Variants in ITGB1 observed in about 807,000 individuals in gnomAD.
The protein encoded by ITGB1 is integrin beta-1.
A neutral mutation model predicts 86.5 loss-of-function variants in ITGB1; 24 were observed. That is an observed-to-expected ratio of 0.28 (90% CI 0.20 to 0.39). The LOEUF (loss-of-function observed/expected upper bound fraction) is 0.39. Ranked by LOEUF, ITGB1 falls within the 10% of genes least tolerant of loss-of-function variation. ITGB1 has a pLI of 1.00. For synonymous variants in ITGB1, 323 were observed against 316.8 expected, an observed-to-expected ratio of 1.02 and a Z score of -0.21; for missense variants, 556 against 946.9, an observed-to-expected ratio of 0.59 and a Z score of 5.42.
intron 1 of ITGB1, among the ~76,000 whole-genome samples, chr10:32,945,757 G>GA (rs1214794607): frequency 6.6e-6 from 1 of 151,508 alleles, no homozygotes. Flanking sequence ...TAAAATTCCA[G>GA]AAAAAAAAGC....
chr10:32,905,129 G>A (rs944349889), intron 15 of ITGB1, among the ~76,000 whole-genome samples: 3 of 151,156 alleles, frequency 2.0e-5, no homozygotes, highest in African/African-American at 7.3e-5. Flanking sequence ...GTGAGAACGA[G>A]AAAAATATAT....
chr10:32,924,506 CT>C (rs1363733502), intron 6 of ITGB1, among the ~76,000 whole-genome samples: 1 of 152,182 alleles, frequency 6.6e-6, no homozygotes, highest in African/African-American at 2.4e-5. Flanking sequence ...TTTATTAATA[CT>C]GGCAATCTTT....
chr10:32,937,006 T>G (rs1239877686), intron 1 of ITGB1, among the ~76,000 whole-genome samples: 2 of 152,220 alleles, frequency 1.3e-5, no homozygotes, highest in Non-Finnish European at 2.9e-5. Flanking sequence ...TACAACTTTT[T>G]GGGAAATAAT....
At chr10:32,955,373 A>C (rs1393470987) in intron 1 of ITGB1, among the ~76,000 whole-genome samples, 1 of 152,196 alleles carries the variant, frequency 6.6e-6, no homozygotes, top group African/African-American at 2.4e-5. Context: ...CAGAAGTCTA[A>C]ATGAACCCTT....
intron 8 of ITGB1, 115 bp downstream of exon 8, chr10:32,922,525 T>C (rs2094953315): frequency 1.3e-6 from 1 of 776,946 alleles, no homozygotes; most frequent in Non-Finnish European, 2.1e-6. Context: ...AAACCACTTT[T>C]GTAAAATTCG....
In ITGB1 at chr10:32,932,608, A is replaced by C. The variant is rs1453273882; in HGVS notation, c.68-8T>G. ...TTAAACATCTATTTTCATCTGTCAG[A>C]AAGAAGAAAGAACAGAACATTTTAT... On this transcript the variant is annotated splice_polypyrimidine_tract_variant and splice_region_variant and intron_variant, in intron 2 of 15. Coordinates refer to ENST00000302278, the MANE Select transcript of ITGB1 (RefSeq NM_002211.4). 5.4e-6 allele frequency: 8 copies of C among 1,475,132 alleles called. No individual in the cohort carries two copies. Among genetic ancestry groups the C allele is most frequent in the Non-Finnish European group, 7.6e-6 (8 of 1,053,936 alleles). The allele number at this position is 1,475,132 out of a possible 1,614,324, so 91.4% of individuals were successfully genotyped here.
At chr10:32,943,256 C>T (rs1490826331) in intron 1 of ITGB1, among the ~76,000 whole-genome samples, 1 of 151,974 alleles carries the variant, frequency 6.6e-6, no homozygotes, top group South Asian at 2.1e-4. Context: ...ATTATGAAAC[C>T]AAAATTAACT....
chr10:32,944,613 A>G, intron 1 of ITGB1: 3 of 578,588 alleles, frequency 5.2e-6, no homozygotes, highest in South Asian at 1.5e-5. Context: ...CTGGCCCTAT[A>G]TGAGCTGAAA....
At chr10:32,944,218 G>A (rs1385954448) in intron 1 of ITGB1, among the ~76,000 whole-genome samples, 1 of 152,226 alleles carries the variant, frequency 6.6e-6, no homozygotes, top group Non-Finnish European at 1.5e-5. Context: ...AGTGACCAAT[G>A]GCCACTAAAG....
chr10:32,929,445 C>T (rs1195457067), intron 4 of ITGB1, among the ~76,000 whole-genome samples: 1 of 152,086 alleles, frequency 6.6e-6, no homozygotes, highest in Non-Finnish European at 1.5e-5. Flanking sequence ...ATTACAAAAA[C>T]CTTAACAGTT....
chr10:32,930,642 CTT>C (rs2094980421), intron 3 of ITGB1, among the ~76,000 whole-genome samples: 1 of 151,908 alleles, frequency 6.6e-6, no homozygotes, highest in Non-Finnish European at 1.5e-5. Context: ...TTTTAAAAAA[CTT>C]TTAAAAAGCA....
chr10:32,955,951 A>C (rs1252335179), intron 1 of ITGB1, among the ~76,000 whole-genome samples: 1 of 152,252 alleles, frequency 6.6e-6, no homozygotes, highest in East Asian at 1.9e-4. Flanking sequence ...GTCTGAAGTC[A>C]ACACAGACGA....
intron 1 of ITGB1, among the ~76,000 whole-genome samples, chr10:32,952,711 C>T (rs965794266): frequency 6.6e-6 from 1 of 152,080 alleles, no homozygotes; most frequent in African/African-American, 2.4e-5. Flanking sequence ...TGAAACTATA[C>T]TCCCTACACA....
chr10:32,943,279 C>T lies in ITGB1; in HGVS notation c.1-7721G>A, dbSNP rs1017006726. Among the ~76,000 whole-genome samples the T allele has an allele frequency of 1.5e-4, 23 of 152,194 alleles. No individual in the cohort carries two copies. In the South Asian group the frequency reaches 2.1e-3, roughly 14 times the overall value. Reference sequence around the variant, plus strand: ...ACCAAAATTAACTTCCAAGTACAAACATAGATTCTGAAGTTATATTACTGG... The same window carrying T: ...ACCAAAATTAACTTCCAAGTACAAATATAGATTCTGAAGTTATATTACTGG... On this transcript the variant is annotated intron_variant, in intron 1 of 15. Transcript: ENST00000302278.
chr10:32,956,952 A>G (rs1367740949), intron 1 of ITGB1, among the ~76,000 whole-genome samples: 1 of 152,100 alleles, frequency 6.6e-6, no homozygotes, highest in Non-Finnish European at 1.5e-5. Context: ...TTAAACGCGG[A>G]CTCTGGAACT....
intron 4 of ITGB1, among the ~76,000 whole-genome samples, chr10:32,929,071 G>A (rs1277908564): frequency 1.3e-5 from 2 of 152,094 alleles, no homozygotes; most frequent in African/African-American, 4.8e-5. Flanking sequence ...TGCAAAAAGG[G>A]AGGAAGAAAA....
At chr10:32,940,886 C>A (rs2095016780) in intron 1 of ITGB1, among the ~76,000 whole-genome samples, 1 of 152,190 alleles carries the variant, frequency 6.6e-6, no homozygotes. Context: ...TTCCCCCTGC[C>A]TTTCTGGAGG....
At chr10:32,937,554 C>CAAAAAAAAAAAAAA (rs56280552) in intron 1 of ITGB1, among the ~76,000 whole-genome samples, 2 of 91,912 alleles carry the variant, frequency 2.2e-5, no homozygotes, top group Non-Finnish European at 4.1e-5. Flanking sequence ...GACTCCGTCT[C>CAAAAAAAAAAAAAA]AAAAAAAAAA....
chr10:32,944,676 A>C (rs2095027143), intron 1 of ITGB1: 1 of 650,312 alleles, frequency 1.5e-6, no homozygotes, highest in Admixed American at 1.9e-5. Context: ...ACACTTCCAC[A>C]GGCAGAAGCC....
Sources: allele counts gnomAD v4.1 joint callset (sites outside exome capture counted in the v4.1 genomes callset), GRCh38; gene constraint gnomAD v4.1.1; transcripts MANE v1.5; gene names NCBI Gene and HGNC (gene_info 2026-07-23, HGNC 2026-07-21).